CDC16: variants seen among roughly 807,000 people sequenced by gnomAD.
CDC16 encodes cell division cycle protein 16 homolog.
CDC16 carries 34 observed loss-of-function variants against 87.0 expected under a neutral mutation model. The ratio of observed to expected loss-of-function variants is 0.39; its 90% CI spans 0.30 to 0.52. The LOEUF is 0.52. CDC16 is among the 20% of genes least tolerant of loss of function. The probability of loss-of-function intolerance (pLI) is 0.74; values close to 1 mark genes in which losing one functional copy is unlikely to be tolerated. For synonymous variants in CDC16, 263 were observed against 260.6 expected, an observed-to-expected ratio of 1.01 and a Z score of -0.09; for missense variants, 653 against 751.9, an observed-to-expected ratio of 0.87 and a Z score of 1.54.
intron 17 of CDC16, among the ~76,000 whole-genome samples, chr13:114,265,483 A>T (rs189777881): frequency 1.2e-3 from 185 of 152,370 alleles, no homozygotes; most frequent in Middle Eastern, 0.01. Flanking sequence ...ACCACTATAG[A>T]ATATGTGTAA....
At chr13:114,262,161 A>G (rs2082895364) in intron 15 of CDC16, among the ~76,000 whole-genome samples, 1 of 152,218 alleles carries the variant, frequency 6.6e-6, no homozygotes. Flanking sequence ...TTTTTATATG[A>G]AAATTTAGTG....
At chr13:114,271,213 G>T (rs1032415418) in intron 17 of CDC16, among the ~76,000 whole-genome samples, 1 of 151,956 alleles carries the variant, frequency 6.6e-6, no homozygotes, top group Non-Finnish European at 1.5e-5. Context: ...GAGCCATCGC[G>T]CCCGGCCAAG....
At chr13:114,239,162 C>T (rs2081413656) in intron 4 of CDC16, 134 bp downstream of exon 4, 2 of 1,435,104 alleles carry the variant, frequency 1.4e-6, no homozygotes, top group East Asian at 2.3e-5. Flanking sequence ...TGTTCCTTTC[C>T]TTAGTCATGT....
intron 17 of CDC16, among the ~76,000 whole-genome samples, chr13:114,271,364 C>T (rs2083641518): frequency 6.6e-6 from 1 of 152,172 alleles, no homozygotes; most frequent in Non-Finnish European, 1.5e-5. Flanking sequence ...TACATCTGTT[C>T]AGATCTGTTC....
At chr13:114,242,051 C>T in intron 5 of CDC16, 70 bp from the exon 6 acceptor site, 1 of 1,519,492 alleles carries the variant, frequency 6.6e-7, no homozygotes, top group Admixed American at 2.2e-5. Flanking sequence ...GACTCTGCCT[C>T]TAAGGAGAAA....
chr13:114,245,817 C>G, intron 9 of CDC16, 183 bp from the exon 10 acceptor site: 4 of 542,674 alleles, frequency 7.4e-6, no homozygotes, highest in Non-Finnish European at 1.3e-5. Flanking sequence ...CCCACCTTGC[C>G]CACAGTGTGT....
intron 9 of CDC16, 37 bp downstream of exon 9, chr13:114,245,006 A>G (rs376806280): frequency 3.3e-6 from 4 of 1,223,016 alleles, no homozygotes; most frequent in African/African-American, 1.5e-5. Context: ...ATTCTTAGAC[A>G]TAAAACAAAT....
chr13:114,248,599 T>A (rs1305514956), intron 11 of CDC16, among the ~76,000 whole-genome samples: 1 of 151,986 alleles, frequency 6.6e-6, no homozygotes, highest in Non-Finnish European at 1.5e-5. Flanking sequence ...GAGAATTGTT[T>A]GAGTCCAGGA....
Position 114,244,964 on chromosome 13 carries a change from C to T in CDC16, c.842C>T (p.Ala281Val). The T allele has an allele frequency of 6.4e-7, 1 of 1,564,474 alleles. No individual in the cohort carries two copies. Among genetic ancestry groups the T allele is most frequent in the Non-Finnish European group, 8.7e-7 (1 of 1,142,924 alleles). ...GGGACGCTTGTAGAGCTGAATAAAGCCAATGGTAAGACTTTTTTTTAAATT... is the reference window on the plus strand; with the variant it reads ...GGGACGCTTGTAGAGCTGAATAAAGTCAATGGTAAGACTTTTTTTTAAATT... ...HIGTLVELNK[A>V]NELFYLSHKL... is the part of the protein sequence containing the mutation. The change falls in exon 9 of 18, where the codon GCC (alanine) becomes GTC (valine). Residue 281 changes from alanine (A) to valine (V), a missense_variant. By Grantham distance (64) the Ala-to-Val change is moderately conservative. Coordinates refer to ENST00000356221, the MANE Select transcript of CDC16 (RefSeq NM_001078645.3).
intron 12 of CDC16, among the ~76,000 whole-genome samples, chr13:114,256,645 A>G (rs2082515004): frequency 6.6e-6 from 1 of 152,232 alleles, no homozygotes; most frequent in South Asian, 2.1e-4. Flanking sequence ...CACAGAAGGG[A>G]GAGCATTTAT....
chr13:114,245,269 CCCTT>C (rs2081802124), intron 9 of CDC16, among the ~76,000 whole-genome samples: 1 of 151,450 alleles, frequency 6.6e-6, no homozygotes, highest in East Asian at 1.9e-4. Flanking sequence ...GCCTCCCCCC[CCCTT>C]TTTTTTTTTT....
chr13:114,245,436 A>G (rs1359588756), intron 9 of CDC16, among the ~76,000 whole-genome samples: 1 of 152,162 alleles, frequency 6.6e-6, no homozygotes, highest in Non-Finnish European at 1.5e-5. Flanking sequence ...TCTAAACTGA[A>G]TGGTGAGCTC....
At position 114,243,903 on chromosome 13, in the gene CDC16, G is replaced by A. The variant is rs945052615; in HGVS notation, c.681G>A (p.Leu227=). 3.1e-6 allele frequency: 5 copies of A among 1,607,566 alleles called. No individual in the cohort carries two copies. The highest frequency in any genetic ancestry group is 3.4e-6 in the Non-Finnish European group (4 of 1,174,248). ...ETVIPESVDG[L]QENLDVVVSL... ...TCATCCCTGAATCTGTAGATGGCTT[G>A]CAAGAGAATCTGGATGTGGTAGTGT... is the stretch of plus-strand genomic sequence containing the variant. The change falls in exon 8 of 18, where the codon TTG becomes TTA. Residue 227 remains leucine, a synonymous_variant. Coordinates refer to ENST00000356221, the MANE Select transcript of CDC16 (RefSeq NM_001078645.3).
At chr13:114,263,776 G>A (rs1485946715) in intron 16 of CDC16, among the ~76,000 whole-genome samples, 3 of 152,244 alleles carry the variant, frequency 2.0e-5, no homozygotes, top group Non-Finnish European at 2.9e-5. Flanking sequence ...CTGCTAAAGT[G>A]TCAACAGAAG....
At position 114,249,911 on chromosome 13, in the gene CDC16, T is replaced by G. The variant is rs537529488; in HGVS notation, c.972-638T>G. Among the ~76,000 whole-genome samples, 7 of 152,350 alleles carry G rather than the reference T, an allele frequency of 4.6e-5. No homozygotes were observed. The East Asian group carries it at 1.3e-3, about 29-fold the overall frequency. Reference sequence around the variant, plus strand: ...AAAATTTTGCTATACTATTAAACAGTTTTAGTTCAAATGAATCAACACAAA... The same window carrying G: ...AAAATTTTGCTATACTATTAAACAGGTTTAGTTCAAATGAATCAACACAAA... On this transcript the variant is annotated intron_variant, in intron 11 of 17. Transcript: ENST00000356221.
At chr13:114,240,168 T>G (rs2081472913) in intron 5 of CDC16, among the ~76,000 whole-genome samples, 1 of 152,172 alleles carries the variant, frequency 6.6e-6, no homozygotes, top group Non-Finnish European at 1.5e-5. Flanking sequence ...AAAGAATCCC[T>G]GTAAGCCTTA....
chr13:114,236,147 C>T lies in CDC16; in HGVS notation c.49-498C>T, dbSNP rs189807522. ...TTAGACTTGGAGGAGGTGAGTTCTT[C>T]CCCATGTTCAGTGAAGCTTAGTTAA... On this transcript the variant is annotated intron_variant, in intron 1 of 17. Transcript: ENST00000356221. Among the ~76,000 whole-genome samples the T allele has an allele frequency of 2.0e-5, 3 of 152,288 alleles. No homozygotes were observed. In the East Asian group the frequency reaches 5.8e-4, roughly 29 times the overall value.
chr13:114,248,741 G>A (rs2081998261), intron 11 of CDC16, among the ~76,000 whole-genome samples: 1 of 152,042 alleles, frequency 6.6e-6, no homozygotes, highest in Non-Finnish European at 1.5e-5. Flanking sequence ...AGGATTGTTA[G>A]GAAGACTGAT....
At chr13:114,245,755 T>C (rs1053581694) in intron 9 of CDC16, 1 of 396,788 alleles carries the variant, frequency 2.5e-6, no homozygotes, top group African/African-American at 2.1e-5. Context: ...GTGAGGTGCT[T>C]TGCTGTATCC....
Sources: gnomAD v4.1 joint callset for allele counts (sites outside exome capture counted in the v4.1 genomes callset) on GRCh38, gnomAD v4.1.1 for gene constraint, MANE v1.5 for transcripts, NCBI Gene and HGNC (gene_info 2026-07-23, HGNC 2026-07-21) for gene names.